Variants in ADAM29 observed in about 807,000 individuals in gnomAD.
ADAM29 encodes the protein ADAM metallopeptidase domain 29.
For missense variants in ADAM29, 969 were observed against 1,001.8 expected (o/e 0.97, Z 0.44); for synonymous variants, 367 against 342.3 (o/e 1.07, Z -0.80).
chr4:174,969,679 A>G (rs114325004), intron 4 of ADAM29, among the ~76,000 whole-genome samples: 2,585 of 152,190 alleles, frequency 0.017, 71 homozygotes, highest in African/African-American at 0.058. Context: ...AGTTATTTTT[A>G]TCATGCTTTT....
intron 4 of ADAM29, 100 bp downstream of exon 4, chr4:174,937,113 G>A (rs919913023): frequency 6.6e-6 from 1 of 151,898 alleles, no homozygotes; most frequent in African/African-American, 2.4e-5. Flanking sequence ...TATACACATT[G>A]ACACTTACTT....
intron 2 of ADAM29, among the ~76,000 whole-genome samples, chr4:174,921,897 A>T (rs1250962868): frequency 6.6e-6 from 1 of 152,178 alleles, no homozygotes; most frequent in African/African-American, 2.4e-5. Flanking sequence ...TTTCGTATGT[A>T]GTTCAAAATG....
intron 3 of ADAM29, among the ~76,000 whole-genome samples, chr4:174,932,940 C>T (rs565678275): frequency 1.3e-5 from 2 of 152,238 alleles, no homozygotes; most frequent in South Asian, 4.1e-4. Context: ...CCCAAATCTC[C>T]TAGGGCCAGG....
intron 3 of ADAM29, among the ~76,000 whole-genome samples, chr4:174,936,130 G>A (rs996766591): frequency 1.4e-4 from 22 of 152,008 alleles, no homozygotes; most frequent in African/African-American, 5.3e-4. Context: ...TTCAATAACA[G>A]CAATTCAGTC....
At chr4:174,952,723 G>A (rs1335246671) in intron 4 of ADAM29, among the ~76,000 whole-genome samples, 1 of 127,076 alleles carries the variant, frequency 7.9e-6, no homozygotes, top group Admixed American at 7.6e-5. Context: ...CACCTCTAGT[G>A]TGAATGGGAA....
At chr4:174,936,376 C>T (rs1051074525) in intron 3 of ADAM29, among the ~76,000 whole-genome samples, 13 of 151,810 alleles carry the variant, frequency 8.6e-5, no homozygotes, top group South Asian at 6.2e-4. Flanking sequence ...TTTTACTGAA[C>T]GAAAATAAAT....
At chr4:174,949,293 G>A (rs1376537145) in intron 4 of ADAM29, among the ~76,000 whole-genome samples, 1 of 152,156 alleles carries the variant, frequency 6.6e-6, no homozygotes, top group East Asian at 1.9e-4. Context: ...AGCATGGCAA[G>A]CTTTGAGGGA....
chr4:174,952,776 T>C (rs1015490377), intron 4 of ADAM29, among the ~76,000 whole-genome samples: 2 of 152,148 alleles, frequency 1.3e-5, no homozygotes, highest in East Asian at 1.9e-4. Flanking sequence ...GTGCAAAGAC[T>C]GTCTGCAGAT....
chr4:174,976,789 G>T lies in ADAM29; in HGVS notation c.1264G>T (p.Asp422Tyr). ...TGGACCTTTAAAGCATTGTGCAAAA[G>T]ATCCCTGCTGTCTGTCAAATTGCAC... The part of the protein sequence containing the change: ...DCGPLKHCAK[D>Y]PCCLSNCTLT... The change falls in exon 5 of 5, where the codon GAT becomes TAT. Residue 422 changes from aspartate (D) to tyrosine (Y), a missense_variant. Coordinates refer to ENST00000359240, the MANE Select transcript of ADAM29 (RefSeq NM_014269.4). 1 of 1,614,174 alleles carries T rather than the reference G, an allele frequency of 6.2e-7. No individual in the cohort carries two copies. Among genetic ancestry groups the T allele is most frequent in the African/African-American group, 1.3e-5 (1 of 75,064 alleles).
chr4:174,927,498 C>A (rs568045038), intron 2 of ADAM29, among the ~76,000 whole-genome samples: 1 of 152,106 alleles, frequency 6.6e-6, no homozygotes, highest in African/African-American at 2.4e-5. Flanking sequence ...GTTTTCACCA[C>A]GTCAATTCTG....
intron 4 of ADAM29, among the ~76,000 whole-genome samples, chr4:174,955,070 T>C (rs555403987): frequency 2.2e-5 from 3 of 136,448 alleles, no homozygotes; most frequent in East Asian, 2.2e-4. Flanking sequence ...ATGTTAGTAA[T>C]AGTATTAAAT....
At chr4:174,941,381 T>C (rs1233980660) in intron 4 of ADAM29, among the ~76,000 whole-genome samples, 2 of 152,162 alleles carry the variant, frequency 1.3e-5, no homozygotes, top group Non-Finnish European at 2.9e-5. Flanking sequence ...AAAAATGCTG[T>C]ATTAATTTGT....
Position 174,976,507 on chromosome 4 carries a change from A to G in ADAM29, c.982A>G (p.Ile328Val), listed in dbSNP as rs540388813. 17 of 1,611,422 alleles carry G rather than the reference A, an allele frequency of 1.1e-5. No homozygotes were observed. Among genetic ancestry groups the G allele is most frequent in the Non-Finnish European group, 1.4e-5 (17 of 1,178,802 alleles). ...FMNKTLGTFS[I>V]AVAHHLGHNL... ...GAACAAAACTTTGGGCACTTTTTCA[A>G]TTGCAGTGGCTCATCATCTAGGTCA... The change falls in exon 5 of 5, where the codon ATT becomes GTT. Residue 328 changes from isoleucine (I) to valine (V), a missense_variant. Transcript: ENST00000359240.
Position 174,932,163 on chromosome 4 carries a change from C to T in ADAM29, c.-262+989C>T, listed in dbSNP as rs141039267. 2.7e-4 allele frequency among the ~76,000 whole-genome samples: 41 copies of T among 151,920 alleles called. No homozygotes were observed. The East Asian group carries it at 6.4e-3, about 24-fold the overall frequency. The stretch of plus-strand genomic sequence containing the variant: ...TTAGCTAGGTGTGGTGGCACATACC[C>T]GTAATCCCAGCTACTCGAGAGGCTG... On this transcript the variant is annotated intron_variant, in intron 3 of 4. Coordinates refer to ENST00000359240, the MANE Select transcript of ADAM29 (RefSeq NM_014269.4).
chr4:174,969,527 G>A (rs1746350945), intron 4 of ADAM29, among the ~76,000 whole-genome samples: 1 of 151,628 alleles, frequency 6.6e-6, no homozygotes. Context: ...CACAATTCCA[G>A]GGAAAACCAA....
chr4:174,976,831 AC>A lies in ADAM29; in HGVS notation c.1307del (p.Thr436IlefsTer89), dbSNP rs1330206433. 1 of 1,614,158 alleles carries A rather than the reference AC, an allele frequency of 6.2e-7. No individual in the cohort carries two copies. Among genetic ancestry groups the A allele is most frequent in the East Asian group, 2.2e-5 (1 of 44,876 alleles). ...AAATTGCACTCTGACTGATGGTTCT[AC>A]TTGTGCTTTTGGGCTTTGTTGCAAA... is the stretch of plus-strand genomic sequence containing the variant. ...LSNCTLTDGS[T>X]CAFGLCCKDC... On this transcript the variant is annotated frameshift_variant, in exon 5 of 5. Coordinates refer to ENST00000359240, the MANE Select transcript of ADAM29 (RefSeq NM_014269.4). LOFTEE classifies it low-confidence loss of function (END_TRUNC).
At chr4:174,944,834 G>A (rs893738925) in intron 4 of ADAM29, among the ~76,000 whole-genome samples, 1 of 152,210 alleles carries the variant, frequency 6.6e-6, no homozygotes, top group African/African-American at 2.4e-5. Context: ...CTCCAGCTCT[G>A]CCTATGTGTT....
chr4:174,964,371 C>A (rs2111074608), intron 4 of ADAM29, among the ~76,000 whole-genome samples: 1 of 152,110 alleles, frequency 6.6e-6, no homozygotes, highest in South Asian at 2.1e-4. Flanking sequence ...CCAAACCTGC[C>A]AACACTTTGA....
rs1742984638 is a variant in ADAM29 at position 174,918,425 on chromosome 4, T to A, written c.-603T>A. 6.6e-6 allele frequency: 1 copy of A among 152,200 alleles called. No individual in the cohort carries two copies. The highest frequency in any genetic ancestry group is 1.5e-5 in the Non-Finnish European group (1 of 68,046). The allele number at this position is 152,200 out of a possible 1,614,324, so 9.4% of individuals were successfully genotyped here. ...TCCTATAAAATAAAAGCTCTCCTGA[T>A]GGCCTGTTCCTGCACATTTCCTGAG... On this transcript the variant is annotated 5_prime_UTR_variant, in exon 1 of 5. The change abolishes an upstream ATG in the 5' untranslated region. Coordinates refer to ENST00000359240, the MANE Select transcript of ADAM29 (RefSeq NM_014269.4).
Sources: gnomAD v4.1 joint callset for allele counts (sites outside exome capture counted in the v4.1 genomes callset) on GRCh38, gnomAD v4.1.1 for gene constraint, MANE v1.5 for transcripts, NCBI Gene and HGNC (gene_info 2026-07-23, HGNC 2026-07-21) for gene names.